The following TMEM132C variants were observed in gnomAD, a reference collection of about 807,000 sequenced individuals.
The protein encoded by TMEM132C is protein phosphatase 1, regulatory subunit 152.
In TMEM132C, 29 loss-of-function variants were observed where a neutral mutation model predicts 61.4. The ratio of observed to expected loss-of-function variants is 0.47; its 90% confidence interval spans 0.35 to 0.64. The LOEUF (loss-of-function observed/expected upper bound fraction) is 0.64, where lower values mean the gene tolerates loss of function less well. TMEM132C is among the 30% of genes least tolerant of loss of function. The pLI, the probability that TMEM132C is intolerant of heterozygous loss-of-function variation, is 0.00. For synonymous variants in TMEM132C, 656 were observed against 633.1 expected, an observed-to-expected ratio of 1.04 and a Z score of -0.54; for missense variants, 1,408 against 1,476.9, an observed-to-expected ratio of 0.95 and a Z score of 0.76.
chr12:128,669,701 C>A, intron 5 of TMEM132C, 141 bp downstream of exon 5: 1 of 1,079,826 alleles, frequency 9.3e-7, no homozygotes, highest in Non-Finnish European at 1.3e-6. Flanking sequence ...CTGATCCACT[C>A]AACGTGTCCA....
chr12:128,604,178 G>A lies in TMEM132C; in HGVS notation c.1122-11974G>A, dbSNP rs1378965933. 2.6e-5 allele frequency among the ~76,000 whole-genome samples: 4 copies of A among 152,208 alleles called. No homozygotes were observed. In the East Asian group the frequency reaches 7.7e-4, roughly 29 times the overall value. On this transcript the variant is annotated intron_variant, in intron 3 of 8. Transcript: ENST00000435159. ...CCATAGATATAGATTTAGGTAGACAGATTTATGGATACGTGGGATGGATGG... is the reference window on the plus strand; with the variant it reads ...CCATAGATATAGATTTAGGTAGACAAATTTATGGATACGTGGGATGGATGG...
At chr12:128,477,588 G>C (rs1184803323) in intron 2 of TMEM132C, among the ~76,000 whole-genome samples, 1 of 151,964 alleles carries the variant, frequency 6.6e-6, no homozygotes, top group Non-Finnish European at 1.5e-5. Flanking sequence ...TGTTGTTGTT[G>C]TTGTTGTTTG....
At chr12:128,544,898 G>A (rs1013686694) in intron 3 of TMEM132C, among the ~76,000 whole-genome samples, 3 of 152,070 alleles carry the variant, frequency 2.0e-5, no homozygotes, top group African/African-American at 4.8e-5. Flanking sequence ...TTCATCAGAC[G>A]GATTTAACGT....
At chr12:128,674,472 AGAG>A (rs1954563798) in intron 5 of TMEM132C, among the ~76,000 whole-genome samples, 1 of 152,220 alleles carries the variant, frequency 6.6e-6, no homozygotes, top group Non-Finnish European at 1.5e-5. Flanking sequence ...GAGTAGATAC[AGAG>A]GAGTAGAATG....
At chr12:128,336,697 G>A (rs768776380) in intron 1 of TMEM132C, among the ~76,000 whole-genome samples, 16 of 152,086 alleles carry the variant, frequency 1.1e-4, no homozygotes, top group South Asian at 2.1e-4. Context: ...TGACATTTCC[G>A]CTCCCTGGCA....
At chr12:128,514,218 A>G (rs1340387584) in intron 2 of TMEM132C, among the ~76,000 whole-genome samples, 1 of 152,218 alleles carries the variant, frequency 6.6e-6, no homozygotes, top group Non-Finnish European at 1.5e-5. Context: ...GAATTTTGTA[A>G]GTGGATAGTT....
chr12:128,473,543 C>G (rs1449916884), intron 2 of TMEM132C, among the ~76,000 whole-genome samples: 363 of 84,336 alleles, frequency 4.3e-3, no homozygotes, highest in South Asian at 0.029. Context: ...TCCATCTTCA[C>G]TCCAGCATCC....
intron 2 of TMEM132C, among the ~76,000 whole-genome samples, chr12:128,492,679 T>C (rs917800077): frequency 6.6e-6 from 1 of 152,190 alleles, no homozygotes; most frequent in Non-Finnish European, 1.5e-5. Context: ...ATATCCTTTG[T>C]CCACTTTGTG....
At chr12:128,488,750 G>GA (rs1334701655) in intron 2 of TMEM132C, among the ~76,000 whole-genome samples, 1 of 151,874 alleles carries the variant, frequency 6.6e-6, no homozygotes, top group Non-Finnish European at 1.5e-5. Flanking sequence ...CCTACAACTA[G>GA]AAAATGACTT....
intron 1 of TMEM132C, among the ~76,000 whole-genome samples, chr12:128,393,519 G>T (rs1428430885): frequency 1.3e-5 from 2 of 152,180 alleles, no homozygotes; most frequent in Admixed American, 6.5e-5. Context: ...TTGGCAGGAG[G>T]TTATATTCCA....
At chr12:128,352,028 A>G (rs749674897) in intron 1 of TMEM132C, among the ~76,000 whole-genome samples, 2 of 152,132 alleles carry the variant, frequency 1.3e-5, no homozygotes, top group African/African-American at 4.8e-5. Context: ...AGGCAGGAAA[A>G]ATGTCTTACT....
chr12:128,442,124 T>C (rs1869817588), intron 2 of TMEM132C, among the ~76,000 whole-genome samples: 1 of 152,200 alleles, frequency 6.6e-6, no homozygotes. Flanking sequence ...AGTCTTTTCT[T>C]CTGTGAAAAA....
At chr12:128,460,897 A>C (rs1870510705) in intron 2 of TMEM132C, among the ~76,000 whole-genome samples, 1 of 152,156 alleles carries the variant, frequency 6.6e-6, no homozygotes, top group Admixed American at 6.5e-5. Flanking sequence ...AAAAGGCAGC[A>C]AACCAGAGGC....
chr12:128,610,238 G>T (rs1876586359), intron 3 of TMEM132C, among the ~76,000 whole-genome samples: 1 of 152,214 alleles, frequency 6.6e-6, no homozygotes, highest in African/African-American at 2.4e-5. Context: ...TTCCCTATGA[G>T]AAGGCTGATT....
chr12:128,546,684 G>A (rs183237306), intron 3 of TMEM132C, among the ~76,000 whole-genome samples: 15 of 152,326 alleles, frequency 9.8e-5, no homozygotes, highest in African/African-American at 3.1e-4. Context: ...CCCCAGAAAT[G>A]TGTTCAAAGA....
chr12:128,688,564 A>C (rs1055829538), intron 5 of TMEM132C, among the ~76,000 whole-genome samples: 5 of 152,248 alleles, frequency 3.3e-5, no homozygotes, highest in Non-Finnish European at 7.3e-5. Context: ...GAACGTGCTA[A>C]AAGTTCCAGC....
intron 3 of TMEM132C, among the ~76,000 whole-genome samples, chr12:128,553,842 T>G (rs1244509208): frequency 1.3e-5 from 2 of 151,772 alleles, no homozygotes; most frequent in African/African-American, 4.8e-5. Context: ...ACCAGATGAG[T>G]GAAGGGGCCA....
intron 1 of TMEM132C, among the ~76,000 whole-genome samples, chr12:128,384,010 A>G (rs1241427214): frequency 6.6e-6 from 1 of 152,206 alleles, no homozygotes; most frequent in East Asian, 1.9e-4. Context: ...GCAGAGTTTA[A>G]AAACAAAACA....
intron 4 of TMEM132C, among the ~76,000 whole-genome samples, chr12:128,650,443 G>T (rs1284532732): frequency 6.6e-6 from 1 of 152,156 alleles, no homozygotes; most frequent in Non-Finnish European, 1.5e-5. Flanking sequence ...GGTGGGGGAA[G>T]CATGGCATGG....
Sources: gnomAD v4.1 joint callset for allele counts (sites outside exome capture counted in the v4.1 genomes callset) on GRCh38, gnomAD v4.1.1 for gene constraint, MANE v1.5 for transcripts, NCBI Gene and HGNC (gene_info 2026-07-23, HGNC 2026-07-21) for gene names.